RADIL: variants seen among roughly 807,000 people sequenced by gnomAD.
RADIL encodes ras-associating and dilute domain-containing protein.
Under a neutral mutation model 97.6 loss-of-function variants are expected in RADIL, and 99 were observed. The ratio of observed to expected loss-of-function variants is 1.01; its 90% CI spans 0.86 to 1.20. RADIL has a LOEUF of 1.20. Ranked by LOEUF, RADIL falls within the 50% of genes most tolerant of loss-of-function variation. The pLI, the probability that RADIL is intolerant of heterozygous loss-of-function variation, is 0.00. For synonymous variants in RADIL, 803 were observed against 691.8 expected, an observed-to-expected ratio of 1.16 and a Z score of -2.52; for missense variants, 1,765 against 1,498.9, an observed-to-expected ratio of 1.18 and a Z score of -2.93.
intron 5 of RADIL, among the ~76,000 whole-genome samples, chr7:4,828,699 A>T (rs1456511007): frequency 6.6e-6 from 1 of 152,208 alleles, no homozygotes; most frequent in East Asian, 1.9e-4. Flanking sequence ...CAGATTCCGT[A>T]CTGTTCTGTG....
intron 2 of RADIL, chr7:4,865,592 G>T (rs992647291): frequency 1.3e-6 from 1 of 799,722 alleles, no homozygotes; most frequent in Non-Finnish European, 2.3e-6. Context: ...GGATGTCACA[G>T]TGATCTTGCT....
At position 4,835,708 on chromosome 7, in the gene RADIL, A is replaced by G. The variant is rs538477952; in HGVS notation, c.784-469T>C. Among the ~76,000 whole-genome samples, 1 of 151,324 alleles carries G rather than the reference A, an allele frequency of 6.6e-6. No individual in the cohort carries two copies. Among genetic ancestry groups the G allele is most frequent in the Admixed American group, 6.6e-5 (1 of 15,232 alleles). ...CCTAAAACCTGGGCACAGGAGCCCT[A>G]TGGCTGTAAAGTGCTCATGGAAATG... On this transcript the variant is annotated intron_variant, in intron 3 of 14. Transcript: ENST00000399583. The surrounding 1 kb of genome is among the most constrained non-coding windows in gnomAD (Gnocchi z 5.8).
chr7:4,834,613 A>G lies in RADIL; in HGVS notation c.1410T>C (p.Thr470=). The G allele has an allele frequency of 7.5e-7, 1 of 1,337,390 alleles. No homozygotes were observed. The allele number at this position is 1,337,390 out of a possible 1,614,324, so 82.8% of individuals were successfully genotyped here. A position where few individuals can be genotyped will look rare whatever the true frequency, so the allele number is the denominator to read the frequency against. Residue 470 remains threonine, a synonymous_variant, in exon 4 of 15, where the codon ACT becomes ACC. Coordinates refer to ENST00000399583, the MANE Select transcript of RADIL (RefSeq NM_018059.5). This position sits in a 1 kb window ranked among gnomAD's most constrained non-coding sequence, Gnocchi z 6.0. ...LLKIARLIRE[T]VWEKTKELAE... ...CCCACCCCAGCACACTGACCCAGAC[A>G]GTCTCGCGGATCAGCCTGGCTATCT... is the stretch of plus-strand genomic sequence containing the variant.
rs1261173396 is a variant in RADIL at position 4,854,842 on chromosome 7, G to C, written c.536-18237C>G. Among the ~76,000 whole-genome samples the C allele has an allele frequency of 6.6e-6, 1 of 152,134 alleles. No individual in the cohort carries two copies. The highest frequency in any genetic ancestry group is 1.5e-5 in the Non-Finnish European group (1 of 68,022). On this transcript the variant is annotated intron_variant, in intron 2 of 14. Coordinates refer to ENST00000399583, the MANE Select transcript of RADIL (RefSeq NM_018059.5). The surrounding 1 kb of genome is among the most constrained non-coding windows in gnomAD (Gnocchi z 5.1). ...CACCCAACCTAAAAAGAATGCACTA[G>C]TTCCAGAGTCACATCAACCCTCCCA...
At chr7:4,816,527 G>T in intron 7 of RADIL, 62 bp from the exon 8 acceptor site, 3 of 1,414,904 alleles carry the variant, frequency 2.1e-6, no homozygotes, top group Admixed American at 1.8e-5. Context: ...GCCGAACGGG[G>T]GGCCTGACCC....
Position 4,842,902 on chromosome 7 carries a change from AG to A in RADIL, c.536-6298del, listed in dbSNP as rs1470737023. On this transcript the variant is annotated intron_variant, in intron 2 of 14. Coordinates refer to ENST00000399583, the MANE Select transcript of RADIL (RefSeq NM_018059.5). This position sits in a 1 kb window ranked among gnomAD's most constrained non-coding sequence, Gnocchi z 4.5. Reference sequence around the variant, plus strand: ...AGGCTGGAGTGCAGTGTGGATTCACAGGCGTGGTCACCATAATACCCTGCAG... The same window carrying A: ...AGGCTGGAGTGCAGTGTGGATTCACAGCGTGGTCACCATAATACCCTGCAG... Among the ~76,000 whole-genome samples, 16 of 151,864 alleles carry A rather than the reference AG, an allele frequency of 1.1e-4. No individual in the cohort carries two copies. Among genetic ancestry groups the A allele is most frequent in the Admixed American group, 3.9e-4 (6 of 15,238 alleles).
chr7:4,825,869 G>A (rs1183214284), intron 5 of RADIL, among the ~76,000 whole-genome samples: 4 of 132,296 alleles, frequency 3.0e-5, no homozygotes, highest in Admixed American at 2.4e-4. Context: ...GCTACAGAGC[G>A]AGACTCCGTC....
Position 4,816,424 on chromosome 7 carries a change from T to C in RADIL, c.1770A>G (p.Pro590=), listed in dbSNP as rs1378912503. 6.2e-7 allele frequency: 1 copy of C among 1,608,046 alleles called. No homozygotes were observed. Among genetic ancestry groups the C allele is most frequent in the Non-Finnish European group, 8.5e-7 (1 of 1,178,422 alleles). The change falls in exon 8 of 15, where the codon CCA becomes CCG. Residue 590 remains proline (P), a synonymous_variant. Coordinates refer to ENST00000399583, the MANE Select transcript of RADIL (RefSeq NM_018059.5). ...ICLPALLECP[P]FQTERRESWS... ...AGCTCTCACGGCGCTCCGTCTGGAA[T>C]GGCGGGCACTCCAGGAGTGCCGGGA...
chr7:4,803,585 G>A lies in RADIL; in HGVS notation c.2460C>T (p.Gly820=). 6.5e-7 allele frequency: 1 copy of A among 1,547,418 alleles called. No individual in the cohort carries two copies. Among genetic ancestry groups the A allele is most frequent in the Non-Finnish European group, 8.7e-7 (1 of 1,145,972 alleles). ...LRSRASPGSP[G]RPGSGASQPV... is the part of the protein sequence containing the mutation. ...GCTGGGAGGCCCCACTGCCAGGCCT[G>A]CCAGGGCTGCCGGGGCTGGCTCTGC... Residue 820 remains glycine (G), a synonymous_variant, in exon 11 of 15, where the codon GGC becomes GGT. Transcript: ENST00000399583.
chr7:4,839,283 T>C (rs1783384366), intron 2 of RADIL, among the ~76,000 whole-genome samples: 1 of 152,196 alleles, frequency 6.6e-6, no homozygotes, highest in Admixed American at 6.5e-5. Flanking sequence ...TCCATGTAAT[T>C]GTATGGTTTT....
intron 9 of RADIL, among the ~76,000 whole-genome samples, chr7:4,810,641 G>C (rs570088629): frequency 6.6e-6 from 1 of 152,222 alleles, no homozygotes. Flanking sequence ...AGGGACCCAC[G>C]GAAGCATCTC....
intron 6 of RADIL, among the ~76,000 whole-genome samples, chr7:4,820,050 G>C (rs1177349159): frequency 6.6e-6 from 1 of 152,208 alleles, no homozygotes; most frequent in East Asian, 1.9e-4. Context: ...GACTCTCCAG[G>C]AACACAGAGC....
At chr7:4,862,073 G>A in intron 2 of RADIL, 1 of 372,866 alleles carries the variant, frequency 2.7e-6, no homozygotes, top group East Asian at 4.0e-5. Flanking sequence ...GCCAGCGCGA[G>A]GGCTCACGGG....
chr7:4,799,835 C>A (rs1383855654), intron 13 of RADIL, 66 bp from the exon 14 acceptor site: 16 of 1,438,272 alleles, frequency 1.1e-5, no homozygotes, highest in Non-Finnish European at 1.3e-5. Flanking sequence ...AGGACCACTG[C>A]AGCCCCTCCC....
chr7:4,874,205 C>A lies in RADIL; in HGVS notation c.535+3400G>T, dbSNP rs191997833. Among the ~76,000 whole-genome samples, 8 of 152,358 alleles carry A rather than the reference C, an allele frequency of 5.3e-5. No homozygotes were observed. The East Asian group carries it at 1.5e-3, about 29-fold the overall frequency. ...CCAAGTGGGAGACTGTGTGTGTGAG[C>A]ACCTGTGTGGACATTTCTCTGTCCA... On this transcript the variant is annotated intron_variant, in intron 2 of 14. Coordinates refer to ENST00000399583, the MANE Select transcript of RADIL (RefSeq NM_018059.5).
At chr7:4,801,118 CCATG>C (rs1425279537) in intron 12 of RADIL, among the ~76,000 whole-genome samples, 1 of 151,912 alleles carries the variant, frequency 6.6e-6, no homozygotes, top group Non-Finnish European at 1.5e-5. Flanking sequence ...ACAATGCACA[CCATG>C]CAGACACACC....
chr7:4,823,439 G>T (rs1055957248), intron 5 of RADIL, among the ~76,000 whole-genome samples: 2 of 151,496 alleles, frequency 1.3e-5, no homozygotes, highest in African/African-American at 2.4e-5. Context: ...TAAAGTGCTG[G>T]GATTATAGGC....
chr7:4,809,731 G>A (rs1421306627), intron 9 of RADIL: 7 of 712,522 alleles, frequency 9.8e-6, no homozygotes, highest in African/African-American at 5.8e-5. Flanking sequence ...CGCCCAGGCC[G>A]GAGTGCAGTG....
chr7:4,815,340 A>G lies in RADIL; in HGVS notation c.2077T>C (p.Phe693Leu). The change falls in exon 9 of 15, where the codon TTC (phenylalanine) becomes CTC (leucine). Residue 693 changes from phenylalanine to leucine, a missense_variant. Phe to Leu is a conservative substitution (Grantham distance 22, BLOSUM62 0). Coordinates refer to ENST00000399583, the MANE Select transcript of RADIL (RefSeq NM_018059.5). This position sits in a 1 kb window ranked among gnomAD's most constrained non-coding sequence, Gnocchi z 8.0. ...SAGFGAAGEH[F>L]FQKLSCTLNL... Reference sequence around the variant, plus strand: ...AGGGTGCAGGAGAGCTTCTGGAAGAAGTGCTCTCCAGCCGCCCCGAAGCCG... The same window carrying G: ...AGGGTGCAGGAGAGCTTCTGGAAGAGGTGCTCTCCAGCCGCCCCGAAGCCG... 6.4e-7 allele frequency: 1 copy of G among 1,557,240 alleles called. No homozygotes were observed. Among genetic ancestry groups the G allele is most frequent in the Non-Finnish European group, 8.7e-7 (1 of 1,151,730 alleles).
Sources: allele counts gnomAD v4.1 joint callset (sites outside exome capture counted in the v4.1 genomes callset), GRCh38; gene constraint gnomAD v4.1.1; non-coding constraint Gnocchi (gnomAD v3.1); transcripts MANE v1.5; gene names NCBI Gene and HGNC (gene_info 2026-07-23, HGNC 2026-07-21).